The following CACNA2D3 variants were observed in gnomAD, a reference collection of about 807,000 sequenced individuals.
CACNA2D3 encodes the protein voltage-dependent calcium channel subunit alpha-2/delta-3.
CACNA2D3 carries 60 observed loss-of-function variants against 160.6 expected under a neutral mutation model. The observed-to-expected ratio is 0.37, with a 90% confidence interval of 0.30 to 0.46. The LOEUF is 0.46. Ranked by LOEUF, CACNA2D3 falls within the 20% of genes least tolerant of loss-of-function variation. The pLI is 1.00. For synonymous variants in CACNA2D3, 558 were observed against 492.9 expected (o/e 1.13, Z -1.75); for missense variants, 1,205 against 1,365.0 (o/e 0.88, Z 1.85).
At chr3:54,950,402 C>T (rs941210303) in intron 27 of CACNA2D3, among the ~76,000 whole-genome samples, 1 of 152,166 alleles carries the variant, frequency 6.6e-6, no homozygotes, top group Admixed American at 6.6e-5. Context: ...GCAACCCCCT[C>T]CTCATTTTAG....
At chr3:54,965,910 G>A (rs181224341) in intron 27 of CACNA2D3, among the ~76,000 whole-genome samples, 9 of 152,278 alleles carry the variant, frequency 5.9e-5, no homozygotes, top group Admixed American at 1.3e-4. Flanking sequence ...CCAGGACGAG[G>A]ATGCAGCCTG....
chr3:55,044,681 G>T (rs1008702906), intron 35 of CACNA2D3, among the ~76,000 whole-genome samples: 3 of 151,870 alleles, frequency 2.0e-5, no homozygotes, highest in Non-Finnish European at 2.9e-5. Context: ...AGACACCCTG[G>T]CCATGTTCCC....
intron 29 of CACNA2D3, among the ~76,000 whole-genome samples, chr3:54,984,096 C>G (rs150052083): frequency 0.022 from 3,422 of 152,282 alleles, 126 homozygotes; most frequent in African/African-American, 0.078. Context: ...CCCCTTCCCC[C>G]CTGCCTCAGT....
chr3:54,918,527 G>A (rs144150699), intron 27 of CACNA2D3: 8 of 1,613,664 alleles, frequency 5.0e-6, no homozygotes, highest in Non-Finnish European at 6.8e-6. Flanking sequence ...TGAGCCAAGG[G>A]TCCCCCATGG....
At chr3:54,521,312 C>T (rs1470840393) in intron 5 of CACNA2D3, among the ~76,000 whole-genome samples, 1 of 152,134 alleles carries the variant, frequency 6.6e-6, no homozygotes, top group Non-Finnish European at 1.5e-5. Context: ...TTCAAGGCTT[C>T]TTTTTATGTG....
intron 13 of CACNA2D3, among the ~76,000 whole-genome samples, chr3:54,813,773 G>T (rs980537191): frequency 6.6e-6 from 1 of 151,618 alleles, no homozygotes; most frequent in Non-Finnish European, 1.5e-5. Flanking sequence ...ATAGTCACTA[G>T]AGTTGTGCTC....
At chr3:54,515,456 A>T (rs1701535526) in intron 5 of CACNA2D3, among the ~76,000 whole-genome samples, 1 of 152,210 alleles carries the variant, frequency 6.6e-6, no homozygotes, top group Non-Finnish European at 1.5e-5. Flanking sequence ...ATAAAAGGAA[A>T]TACGCCTGCA....
chr3:54,324,262 T>G (rs1042298428), intron 3 of CACNA2D3, among the ~76,000 whole-genome samples: 14 of 152,306 alleles, frequency 9.2e-5, no homozygotes, highest in African/African-American at 3.4e-4. Context: ...TGAATCAGAG[T>G]GATTTTATCA....
At chr3:54,635,412 G>A (rs1383522309) in intron 10 of CACNA2D3, among the ~76,000 whole-genome samples, 1 of 151,938 alleles carries the variant, frequency 6.6e-6, no homozygotes, top group African/African-American at 2.4e-5. Context: ...AGTGTAAACC[G>A]GCAGTGTAAA....
chr3:54,817,442 G>C (rs1447697644), intron 14 of CACNA2D3, among the ~76,000 whole-genome samples: 1 of 152,156 alleles, frequency 6.6e-6, no homozygotes, highest in Non-Finnish European at 1.5e-5. Flanking sequence ...AGAATGTTCT[G>C]TGTCCAGAAA....
Position 54,770,233 on chromosome 3 carries a change from T to A in CACNA2D3, c.1380+5882T>A, listed in dbSNP as rs372185604. On this transcript the variant is annotated intron_variant, in intron 13 of 37. Coordinates refer to ENST00000474759, the MANE Select transcript of CACNA2D3 (RefSeq NM_018398.3). ...AACATTCTGTTTTTAGTAGTGGTAT[T>A]TACATTTACAAAATATAGTAATTCT... Among the ~76,000 whole-genome samples, 24 of 152,318 alleles carry A rather than the reference T, an allele frequency of 1.6e-4. No homozygotes were observed. In the South Asian group the frequency reaches 5.0e-3, roughly 32 times the overall value.
rs199980479 is a variant in CACNA2D3, at chr3:54,541,938, G to GT, written c.545-20849dup. On this transcript the variant is annotated intron_variant, in intron 5 of 37. Coordinates refer to ENST00000474759, the MANE Select transcript of CACNA2D3 (RefSeq NM_018398.3). ...AACATTTAGGAAAGGGTGTGTGTGG[G>GT]TTTTTTTTTTTTTCGTACAATTTTT... 2.2e-3 allele frequency among the ~76,000 whole-genome samples: 307 copies of GT among 137,282 alleles called. 2 individuals carry two copies. The highest frequency in any genetic ancestry group is 4.7e-3 in the African/African-American group (176 of 37,782). The allele number at this position is 137,282 out of a possible 152,430, so 90.1% of individuals were successfully genotyped here.
chr3:54,287,476 G>A (rs1361380719), intron 2 of CACNA2D3, among the ~76,000 whole-genome samples: 3 of 150,546 alleles, frequency 2.0e-5, no homozygotes, highest in Non-Finnish European at 4.4e-5. Context: ...CAATAATAAT[G>A]GGAGACTTTA....
At chr3:54,737,660 C>T (rs910721024) in intron 11 of CACNA2D3, among the ~76,000 whole-genome samples, 2 of 152,046 alleles carry the variant, frequency 1.3e-5, no homozygotes, top group Non-Finnish European at 2.9e-5. Context: ...TGAGCAAAGG[C>T]GGGGATCTCT....
At chr3:54,668,033 T>A (rs1407926716) in intron 11 of CACNA2D3, among the ~76,000 whole-genome samples, 1 of 152,174 alleles carries the variant, frequency 6.6e-6, no homozygotes, top group Non-Finnish European at 1.5e-5. Context: ...GAAAAAGAAT[T>A]TTCTTATTCC....
chr3:54,387,220 G>T (rs1699203049), intron 4 of CACNA2D3, among the ~76,000 whole-genome samples: 2 of 152,218 alleles, frequency 1.3e-5, no homozygotes, highest in Non-Finnish European at 2.9e-5. Flanking sequence ...ACTGATTTGA[G>T]ATTCAAATAT....
At chr3:54,242,038 CT>C (rs1475535284) in intron 2 of CACNA2D3, among the ~76,000 whole-genome samples, 1 of 152,136 alleles carries the variant, frequency 6.6e-6, no homozygotes, top group African/African-American at 2.4e-5. Flanking sequence ...CCTGTATACA[CT>C]TATGTGTTTT....
At chr3:54,920,951 G>A (rs757070455) in intron 27 of CACNA2D3, among the ~76,000 whole-genome samples, 11 of 152,262 alleles carry the variant, frequency 7.2e-5, no homozygotes, top group Non-Finnish European at 1.2e-4. Flanking sequence ...TGGAGCCTGG[G>A]ACATAGCTGG....
intron 4 of CACNA2D3, among the ~76,000 whole-genome samples, chr3:54,479,825 T>A (rs1472514801): frequency 6.6e-6 from 1 of 152,226 alleles, no homozygotes; most frequent in Admixed American, 6.5e-5. Context: ...TAGTAAAGCA[T>A]GCTCAGTGGG....
Sources: allele counts gnomAD v4.1 joint callset (sites outside exome capture counted in the v4.1 genomes callset), GRCh38; gene constraint gnomAD v4.1.1; transcripts MANE v1.5; gene names NCBI Gene and HGNC (gene_info 2026-07-23, HGNC 2026-07-21).